The following DSCAM variants were observed in gnomAD, a reference collection of about 807,000 sequenced individuals.
DSCAM encodes the protein DS cell adhesion molecule, also known as cell adhesion molecule DSCAM.
Under a neutral mutation model 217.7 loss-of-function variants are expected in DSCAM, and 47 were observed. The ratio of observed to expected loss-of-function variants is 0.22; its 90% CI spans 0.17 to 0.28. The LOEUF (loss-of-function observed/expected upper bound fraction) is 0.28, where lower values mean the gene tolerates loss of function less well. DSCAM is among the 10% of genes least tolerant of loss of function. DSCAM has a pLI of 1.00. For missense variants in DSCAM, 2,080 were observed against 2,618.3 expected (o/e 0.79, Z 4.49); for synonymous variants, 1,056 against 1,015.3 (o/e 1.04, Z -0.76).
chr21:40,807,109 GAATC>G (rs138377770), intron 1 of DSCAM, among the ~76,000 whole-genome samples: 74,513 of 151,058 alleles, frequency 0.49, 19,534 homozygotes, highest in South Asian at 0.65. Context: ...AAAGTATAAT[GAATC>G]AATCAATCAA....
At chr21:40,706,699 A>C (rs1413180988) in intron 2 of DSCAM, among the ~76,000 whole-genome samples, 3 of 152,194 alleles carry the variant, frequency 2.0e-5, no homozygotes, top group Admixed American at 2.0e-4. Flanking sequence ...CTTTTTGAAC[A>C]AGCTTCCAGT....
intron 16 of DSCAM, among the ~76,000 whole-genome samples, chr21:40,147,092 A>G (rs1472964660): frequency 2.0e-5 from 3 of 152,218 alleles, no homozygotes; most frequent in African/African-American, 7.2e-5. Flanking sequence ...ATTTACATCC[A>G]TTAAATATTC....
chr21:40,658,267 G>A (rs928755921), intron 3 of DSCAM, among the ~76,000 whole-genome samples: 4 of 152,206 alleles, frequency 2.6e-5, no homozygotes, highest in African/African-American at 9.6e-5. Flanking sequence ...TTGCACAAAT[G>A]TCACTTCCTG....
chr21:40,154,591 G>A (rs1256442454), intron 16 of DSCAM, among the ~76,000 whole-genome samples: 1 of 152,112 alleles, frequency 6.6e-6, no homozygotes, highest in Non-Finnish European at 1.5e-5. Context: ...TCTCCTTAGA[G>A]TTGCACTGTA....
chr21:40,131,951 TA>T (rs2090158459), intron 19 of DSCAM, among the ~76,000 whole-genome samples: 1 of 152,222 alleles, frequency 6.6e-6, no homozygotes, highest in African/African-American at 2.4e-5. Context: ...CAATATTAAT[TA>T]AAAATTGATC....
Position 40,301,068 on chromosome 21 carries a change from C to G in DSCAM, c.2063-4894G>C, listed in dbSNP as rs1272745745. On this transcript the variant is annotated intron_variant, in intron 9 of 32. Transcript: ENST00000400454. ...CAGGAATGACATCCCAAATAAATAA[C>G]CTGCCAGCCAATTCTGTGCCTCACA... 2.0e-5 allele frequency among the ~76,000 whole-genome samples: 3 copies of G among 152,172 alleles called. No individual in the cohort carries two copies. The East Asian group carries it at 5.8e-4, about 29-fold the overall frequency.
chr21:40,661,093 T>C (rs914430202), intron 3 of DSCAM, among the ~76,000 whole-genome samples: 1 of 152,200 alleles, frequency 6.6e-6, no homozygotes, highest in Non-Finnish European at 1.5e-5. Flanking sequence ...TTTTGTTACA[T>C]AGTTTCCACA....
intron 3 of DSCAM, among the ~76,000 whole-genome samples, chr21:40,469,970 T>C (rs564095516): frequency 1.2e-4 from 18 of 152,358 alleles, no homozygotes; most frequent in Non-Finnish European, 2.6e-4. Context: ...ATATTTTCAC[T>C]GCAAAATGAA....
chr21:40,373,110 C>T (rs890927807), intron 3 of DSCAM, among the ~76,000 whole-genome samples: 1 of 152,132 alleles, frequency 6.6e-6, no homozygotes, highest in African/African-American at 2.4e-5. Context: ...TTCTGAAACT[C>T]AGGCACAACA....
intron 20 of DSCAM, among the ~76,000 whole-genome samples, chr21:40,121,747 T>C (rs2090037358): frequency 7.3e-6 from 1 of 137,856 alleles, no homozygotes. Flanking sequence ...TGGAGTGCAG[T>C]GGTGACATTT....
At chr21:40,439,464 A>C (rs1296251289) in intron 3 of DSCAM, among the ~76,000 whole-genome samples, 2 of 152,220 alleles carry the variant, frequency 1.3e-5, no homozygotes, top group Admixed American at 1.3e-4. Context: ...GACTAGCAAC[A>C]CTTCAGATGT....
chr21:40,241,279 A>G (rs1007287487), intron 11 of DSCAM, among the ~76,000 whole-genome samples: 2 of 152,230 alleles, frequency 1.3e-5, no homozygotes, highest in Non-Finnish European at 2.9e-5. Flanking sequence ...AGGAATGTAA[A>G]CAAATTTACA....
chr21:40,676,021 A>G (rs993035459), intron 3 of DSCAM, among the ~76,000 whole-genome samples: 1 of 152,222 alleles, frequency 6.6e-6, no homozygotes, highest in African/African-American at 2.4e-5. Context: ...CCCACCACCA[A>G]AAAGGTGTAA....
At chr21:40,325,327 A>G (rs558418112) in intron 8 of DSCAM, among the ~76,000 whole-genome samples, 15 of 152,310 alleles carry the variant, frequency 9.8e-5, no homozygotes, top group Non-Finnish European at 1.8e-4. Context: ...GACTCGATAT[A>G]GATAGAAAAT....
intron 11 of DSCAM, among the ~76,000 whole-genome samples, chr21:40,227,798 T>A (rs1333622638): frequency 6.6e-6 from 1 of 152,198 alleles, no homozygotes; most frequent in East Asian, 1.9e-4. Flanking sequence ...ACACCTTACA[T>A]TAGTGTGGCA....
At chr21:40,734,010 C>T (rs753282875) in intron 1 of DSCAM, among the ~76,000 whole-genome samples, 2 of 152,084 alleles carry the variant, frequency 1.3e-5, no homozygotes, top group South Asian at 2.1e-4. Context: ...CCGTAAACCC[C>T]GACATCACTT....
intron 3 of DSCAM, among the ~76,000 whole-genome samples, chr21:40,457,587 A>G (rs2075774239): frequency 6.6e-6 from 1 of 152,172 alleles, no homozygotes; most frequent in Non-Finnish European, 1.5e-5. Context: ...TTGTAATTAC[A>G]GAGTTAGCCA....
intron 1 of DSCAM, among the ~76,000 whole-genome samples, chr21:40,730,747 C>T (rs1270252362): frequency 1.3e-5 from 2 of 152,126 alleles, no homozygotes; most frequent in African/African-American, 2.4e-5. Flanking sequence ...CTCACAATAC[C>T]CCAGATTTCA....
chr21:40,639,512 GA>G (rs1159483974), intron 3 of DSCAM, among the ~76,000 whole-genome samples: 1 of 152,190 alleles, frequency 6.6e-6, no homozygotes, highest in Non-Finnish European at 1.5e-5. Context: ...CTAGAAATTT[GA>G]ACGATTTTGA....
Sources: gnomAD v4.1 joint callset for allele counts (sites outside exome capture counted in the v4.1 genomes callset) on GRCh38, gnomAD v4.1.1 for gene constraint, MANE v1.5 for transcripts, NCBI Gene and HGNC (gene_info 2026-07-23, HGNC 2026-07-21) for gene names.